The following HSD17B12 variants were observed in gnomAD, a reference collection of about 807,000 sequenced individuals.
HSD17B12 encodes the protein hydroxysteroid 17-beta dehydrogenase 12, also known as very-long-chain 3-oxoacyl-CoA reductase.
HSD17B12 carries 32 observed loss-of-function variants against 39.3 expected under a neutral mutation model. The observed-to-expected ratio is 0.81, with a 90% CI of 0.61 to 1.09. HSD17B12 has a LOEUF of 1.09. HSD17B12 is among the 50% of genes least tolerant of loss of function. HSD17B12 has a pLI of 0.00. For missense variants in HSD17B12, 342 were observed against 382.9 expected, an observed-to-expected ratio of 0.89 and a Z score of 0.89; for synonymous variants, 150 against 146.7, an observed-to-expected ratio of 1.02 and a Z score of -0.16.
chr11:43,689,265 G>A (rs948394367), intron 1 of HSD17B12, among the ~76,000 whole-genome samples: 10 of 152,160 alleles, frequency 6.6e-5, no homozygotes, highest in East Asian at 3.8e-4. Context: ...AGGAAATCCC[G>A]TTGACTCTGA....
At chr11:43,747,399 A>G (rs1950421581) in intron 1 of HSD17B12, among the ~76,000 whole-genome samples, 1 of 152,120 alleles carries the variant, frequency 6.6e-6, no homozygotes, top group Non-Finnish European at 1.5e-5. Context: ...GCTTTGATGG[A>G]AGAGGGTAGG....
intron 1 of HSD17B12, among the ~76,000 whole-genome samples, chr11:43,693,995 C>A (rs1240762059): frequency 6.6e-6 from 1 of 152,214 alleles, no homozygotes; most frequent in Non-Finnish European, 1.5e-5. Context: ...AGGCGATGAT[C>A]TCCTTACAGA....
At chr11:43,619,202 TATATATATATAAAATATATATATATGA>T in the HSD17B12 span, among the ~76,000 whole-genome samples, 1 of 53,820 alleles carries the variant, frequency 1.9e-5, no homozygotes, top group African/African-American at 6.5e-5. Flanking sequence ...ATATATGATA[TATATATATATAAAATATATATATATGA>T]TATATATATA....
At chr11:43,673,916 A>G in the HSD17B12 span, among the ~76,000 whole-genome samples, 1 of 152,178 alleles carries the variant, frequency 6.6e-6, no homozygotes, top group Non-Finnish European at 1.5e-5. Context: ...ACTAGCTTTA[A>G]GCTTCTGTTT....
At chr11:43,848,741 A>G (rs1213428806) in intron 9 of HSD17B12, among the ~76,000 whole-genome samples, 1 of 152,238 alleles carries the variant, frequency 6.6e-6, no homozygotes, top group African/African-American at 2.4e-5. Context: ...TTTGAATCCA[A>G]GTTGGTCTGA....
At chr11:43,656,335 T>C in the HSD17B12 span, among the ~76,000 whole-genome samples, 108 of 152,314 alleles carry the variant, frequency 7.1e-4, no homozygotes, top group African/African-American at 2.4e-3. Context: ...ATTTTGTTGA[T>C]CTTTTCAAAA....
At position 43,800,551 on chromosome 11, in the gene HSD17B12, G is replaced by A. The variant is rs566143794; in HGVS notation, c.391+2124G>A. 1.4e-4 allele frequency among the ~76,000 whole-genome samples: 21 copies of A among 152,218 alleles called. No individual in the cohort carries two copies. In the South Asian group the frequency reaches 3.7e-3, roughly 27 times the overall value. On this transcript the variant is annotated intron_variant, in intron 4 of 10. Transcript: ENST00000278353. ...AGCTGTTCTTTCCTGCCCCCTATAT[G>A]GAAAGGCTTCAATATGATTTTAGGC...
the HSD17B12 span, among the ~76,000 whole-genome samples, chr11:43,660,315 T>C: frequency 6.6e-6 from 1 of 152,218 alleles, no homozygotes; most frequent in African/African-American, 2.4e-5. Context: ...TCTTTTTCTT[T>C]GATCAGCCCC....
In HSD17B12 at chr11:43,838,395, C is replaced by A. The variant is rs148024412; in HGVS notation, c.615C>A (p.Thr205=). Residue 205 remains threonine (T), a synonymous_variant, in exon 8 of 11, where the codon ACC becomes ACA. Coordinates refer to ENST00000278353, the MANE Select transcript of HSD17B12 (RefSeq NM_016142.3). The part of the protein sequence containing the change: ...PVPLLTIYSA[T]KTFVDFFSQC... Reference sequence around the variant, plus strand: ...CACTCTTGACCATCTATTCTGCAACCAAGGTAAAAAATATTTTCTTAAATC... The same window carrying A: ...CACTCTTGACCATCTATTCTGCAACAAAGGTAAAAAATATTTTCTTAAATC... The A allele has an allele frequency of 1.2e-6, 2 of 1,607,484 alleles. No individual in the cohort carries two copies. Among genetic ancestry groups the A allele is most frequent in the East Asian group, 2.2e-5 (1 of 44,816 alleles).
intron 1 of HSD17B12, among the ~76,000 whole-genome samples, chr11:43,691,174 T>C (rs1192946516): frequency 2.6e-5 from 4 of 152,254 alleles, no homozygotes; most frequent in Non-Finnish European, 5.9e-5. Context: ...CAAATTCTGA[T>C]GCCTCAGGCA....
At chr11:43,642,617 C>T in the HSD17B12 span, among the ~76,000 whole-genome samples, 2 of 151,564 alleles carry the variant, frequency 1.3e-5, no homozygotes, top group Admixed American at 6.6e-5. Flanking sequence ...ATATAAAATA[C>T]GCTTTAAAAT....
chr11:43,806,754 A>G (rs962541821), intron 4 of HSD17B12, among the ~76,000 whole-genome samples: 4 of 152,214 alleles, frequency 2.6e-5, no homozygotes, highest in African/African-American at 9.6e-5. Context: ...GATGGAAGAA[A>G]TAAGAGCTGG....
chr11:43,808,414 C>A (rs1027169269), intron 4 of HSD17B12, among the ~76,000 whole-genome samples: 2 of 151,764 alleles, frequency 1.3e-5, no homozygotes, highest in Non-Finnish European at 2.9e-5. Context: ...CATAGGACTT[C>A]TAGAATTCAT....
intron 1 of HSD17B12, among the ~76,000 whole-genome samples, chr11:43,738,617 T>A (rs1350555698): frequency 6.6e-6 from 1 of 152,156 alleles, no homozygotes; most frequent in Non-Finnish European, 1.5e-5. Flanking sequence ...GTGGGTAGGG[T>A]CATAAAAGGT....
intron 9 of HSD17B12, chr11:43,853,189 T>C (rs1951548433): frequency 6.6e-6 from 1 of 151,894 alleles, no homozygotes; most frequent in African/African-American, 2.4e-5. Flanking sequence ...TACAAAAAAT[T>C]AGCCAGGCGT....
At chr11:43,565,676 A>G in the HSD17B12 span, among the ~76,000 whole-genome samples, 8 of 152,250 alleles carry the variant, frequency 5.3e-5, no homozygotes, top group Non-Finnish European at 1.2e-4. Context: ...TCAGTCTTAT[A>G]GCTCATTCCC....
chr11:43,594,723 G>A, the HSD17B12 span, among the ~76,000 whole-genome samples: 3 of 152,004 alleles, frequency 2.0e-5, no homozygotes, highest in Non-Finnish European at 4.4e-5. Flanking sequence ...TTACCCTGTG[G>A]AGTGCATTAG....
chr11:43,703,445 C>T (rs1170545352), intron 1 of HSD17B12, among the ~76,000 whole-genome samples: 1 of 152,180 alleles, frequency 6.6e-6, no homozygotes, highest in Non-Finnish European at 1.5e-5. Flanking sequence ...CCGCCCGCCT[C>T]GGCCTCCCAA....
the HSD17B12 span, among the ~76,000 whole-genome samples, chr11:43,584,303 A>G: frequency 2.0e-5 from 3 of 152,172 alleles, no homozygotes; most frequent in African/African-American, 7.2e-5. Flanking sequence ...AAGGCTTGCT[A>G]TGATCTCAGA....
Sources: gnomAD v4.1 joint callset for allele counts (sites outside exome capture counted in the v4.1 genomes callset) on GRCh38, gnomAD v4.1.1 for gene constraint, MANE v1.5 for transcripts, NCBI Gene and HGNC (gene_info 2026-07-23, HGNC 2026-07-21) for gene names.